ANKRD12: variants seen among roughly 807,000 people sequenced by gnomAD.
The protein encoded by ANKRD12 is ankyrin repeat domain-containing protein 12.
A neutral mutation model predicts 183.4 loss-of-function variants in ANKRD12; 85 were observed. The ratio of observed to expected loss-of-function variants is 0.46; its 90% CI spans 0.39 to 0.56. The LOEUF is 0.56. Ranked by LOEUF, ANKRD12 falls within the 20% of genes least tolerant of loss-of-function variation. The pLI is 0.00. For missense variants in ANKRD12, 2,405 were observed against 2,357.1 expected (o/e 1.02, Z -0.42); for synonymous variants, 914 against 800.2 (o/e 1.14, Z -2.40).
chr18:9,159,153 A>G (rs1350119116), intron 1 of ANKRD12, among the ~76,000 whole-genome samples: 1 of 152,150 alleles, frequency 6.6e-6, no homozygotes, highest in Non-Finnish European at 1.5e-5. Context: ...CAAGATCTGC[A>G]TTTTAGGTGT....
chr18:9,220,268 A>G (rs2036347586), intron 7 of ANKRD12, among the ~76,000 whole-genome samples: 1 of 152,218 alleles, frequency 6.6e-6, no homozygotes. Context: ...TATGTTTTCT[A>G]AGTACCAGAA....
In ANKRD12 at chr18:9,264,773, C is replaced by T. The variant is rs949342560; in HGVS notation, c.5763+885C>T. ...TCAATAGCTATTTCAACTATTAAGA[C>T]GTTTGAAACCACCTAGTATATATTC... is the stretch of plus-strand genomic sequence containing the variant. On this transcript the variant is annotated intron_variant, in intron 10 of 12. Transcript: ENST00000262126. 3.9e-5 allele frequency among the ~76,000 whole-genome samples: 6 copies of T among 152,250 alleles called. 1 individual carries two copies. The South Asian group carries it at 8.3e-4, about 21-fold the overall frequency.
In ANKRD12 at chr18:9,255,429, A is replaced by G. The variant is rs564231114; in HGVS notation, c.2162A>G (p.Glu721Gly). 25 of 1,571,348 alleles carry G rather than the reference A, an allele frequency of 1.6e-5. No individual in the cohort carries two copies. In the East Asian group the frequency reaches 2.7e-4, roughly 17 times the overall value. The change falls in exon 9 of 13, where the codon GAA (glutamate) becomes GGA (glycine). Residue 721 changes from glutamate to glycine, a missense_variant. This residue lies in a region of ANKRD12 where 1,983 missense variants were observed against 1,725.9 expected (regional missense o/e 1.15). Coordinates refer to ENST00000262126, the MANE Select transcript of ANKRD12 (RefSeq NM_015208.5). ...ATGGAACATGAATCCTTAACATTAG[A>G]AAAAAAATCAAAATTGGAAAAAAAC... ...LNMEHESLTL[E>G]KKSKLEKNIK... is the part of the protein sequence containing the mutation.
rs1399983271 is a variant in ANKRD12 at position 9,258,503 on chromosome 18, C to G, written c.5236C>G (p.Gln1746Glu). 1 of 1,613,558 alleles carries G rather than the reference C, an allele frequency of 6.2e-7. No individual in the cohort carries two copies. The highest frequency in any genetic ancestry group is 1.7e-5 in the Admixed American group (1 of 59,880). The change falls in exon 9 of 13, where the codon CAA (glutamine) becomes GAA (glutamate). Residue 1746 changes from glutamine to glutamate, a missense_variant. By Grantham distance (29) the Gln-to-Glu change is conservative. This residue lies in a region of ANKRD12 where 1,983 missense variants were observed against 1,725.9 expected (regional missense o/e 1.15). Coordinates refer to ENST00000262126, the MANE Select transcript of ANKRD12 (RefSeq NM_015208.5). ...AAACAAAGCAAATACAATGGCAAAT[C>G]AAAGCAAACAGATTCTTGCTAGCTG... ...TRNKANTMAN[Q>E]SKQILASCTL...
chr18:9,255,063 C>A lies in ANKRD12; in HGVS notation c.1796C>A (p.Ser599Tyr), dbSNP rs2038520722. Residue 599 changes from serine to tyrosine, a missense_variant, in exon 9 of 13, where the codon TCT (serine) becomes TAT (tyrosine). Physicochemically the swap from Ser to Tyr is moderately radical, Grantham distance 144 (BLOSUM62 -2). Around this residue, in one of 7 missense-constraint regions of ANKRD12, gnomAD observed 1,983 missense variants for 1,725.9 expected, o/e 1.15. Coordinates refer to ENST00000262126, the MANE Select transcript of ANKRD12 (RefSeq NM_015208.5). ...TTGCCAGAAAGTTCAAGTGTAAAAT[C>A]TTGTAAGCATAAGGAAAAAAGCAAA... ...EFLPESSSVKSCKHKEKSKHQ... is the reference protein window; with the variant it reads ...EFLPESSSVKYCKHKEKSKHQ... 1.9e-6 allele frequency: 3 copies of A among 1,584,290 alleles called. No homozygotes were observed. Among genetic ancestry groups the A allele is most frequent in the Admixed American group, 1.9e-5 (1 of 52,586 alleles).
intron 8 of ANKRD12, among the ~76,000 whole-genome samples, chr18:9,225,577 A>G (rs990068953): frequency 6.6e-6 from 1 of 152,114 alleles, no homozygotes; most frequent in Non-Finnish European, 1.5e-5. Context: ...ATGATTTTGT[A>G]AACACTGTTC....
At chr18:9,175,395 T>C (rs1330104031) in intron 1 of ANKRD12, among the ~76,000 whole-genome samples, 4 of 152,072 alleles carry the variant, frequency 2.6e-5, no homozygotes, top group Admixed American at 2.6e-4. Flanking sequence ...TGAGTTGTCT[T>C]TCTCTGTTAT....
At chr18:9,265,642 G>T (rs1264167157) in intron 10 of ANKRD12, among the ~76,000 whole-genome samples, 5 of 152,040 alleles carry the variant, frequency 3.3e-5, no homozygotes, top group Admixed American at 1.3e-4. Context: ...CATCATCAAA[G>T]ACCAAAGGTA....
intron 1 of ANKRD12, among the ~76,000 whole-genome samples, chr18:9,171,063 G>A (rs796731372): frequency 9.2e-5 from 14 of 152,288 alleles, no homozygotes; most frequent in African/African-American, 3.4e-4. Flanking sequence ...TGTTCCTCTG[G>A]AAGTTTGGTC....
At chr18:9,270,267 A>G (rs1010858676) in intron 10 of ANKRD12, among the ~76,000 whole-genome samples, 19 of 152,220 alleles carry the variant, frequency 1.2e-4, no homozygotes, top group African/African-American at 4.3e-4. Context: ...TACTGGGTAT[A>G]TACCGAAAGG....
chr18:9,210,691 G>A (rs956960508), intron 5 of ANKRD12, among the ~76,000 whole-genome samples: 3 of 117,010 alleles, frequency 2.6e-5, no homozygotes, highest in Non-Finnish European at 3.3e-5. Context: ...AAACTACCAC[G>A]CTCCAGCCTG....
chr18:9,215,952 G>A (rs1433161491), intron 6 of ANKRD12, among the ~76,000 whole-genome samples: 1 of 151,552 alleles, frequency 6.6e-6, no homozygotes, highest in Non-Finnish European at 1.5e-5. Flanking sequence ...GAAGAAGACA[G>A]AAGAAGCCAT....
intron 1 of ANKRD12, among the ~76,000 whole-genome samples, chr18:9,138,951 T>C (rs1334560317): frequency 6.6e-6 from 1 of 152,206 alleles, no homozygotes; most frequent in Non-Finnish European, 1.5e-5. Context: ...AGATGAGGTG[T>C]TAAAATGGAA....
rs556830248 is a variant in ANKRD12, at chr18:9,273,166, C to T, written c.5764-2358C>T. Among the ~76,000 whole-genome samples the T allele has an allele frequency of 3.3e-5, 5 of 152,246 alleles. No individual in the cohort carries two copies. The East Asian group carries it at 9.7e-4, about 29-fold the overall frequency. On this transcript the variant is annotated intron_variant, in intron 10 of 12. Transcript: ENST00000262126. Reference sequence around the variant, plus strand: ...CTTAGGCCAAAGAATATAGTTAGGACCAGATGGCACAAGTCCGTAGCAAAT... The same window carrying T: ...CTTAGGCCAAAGAATATAGTTAGGATCAGATGGCACAAGTCCGTAGCAAAT...
At chr18:9,272,833 T>C (rs2039670804) in intron 10 of ANKRD12, among the ~76,000 whole-genome samples, 1 of 152,226 alleles carries the variant, frequency 6.6e-6, no homozygotes, top group South Asian at 2.1e-4. Context: ...TTCTTTGTTT[T>C]TTTCATGAAT....
At position 9,284,332 on chromosome 18, in the gene ANKRD12, T is replaced by A. The variant is rs1391975915; in HGVS notation, c.*3206T>A. On this transcript the variant is annotated 3_prime_UTR_variant, in exon 13 of 13. Transcript: ENST00000262126. Reference sequence around the variant, plus strand: ...CCCATGAAGCTCATTTGAATGGGACTTAACAATTAGACAGTTATTTTAGAA... The same window carrying A: ...CCCATGAAGCTCATTTGAATGGGACATAACAATTAGACAGTTATTTTAGAA... 1 of 152,204 alleles carries A rather than the reference T, an allele frequency of 6.6e-6. No individual in the cohort carries two copies. The highest frequency in any genetic ancestry group is 1.5e-5 in the Non-Finnish European group (1 of 68,040). 9.4% of individuals were successfully genotyped at this position (152,204 alleles called of 1,614,324 possible). A position where few individuals can be genotyped will look rare whatever the true frequency, so the allele number is the denominator to read the frequency against.
At chr18:9,234,691 C>T (rs1430737574) in intron 8 of ANKRD12, among the ~76,000 whole-genome samples, 3 of 151,982 alleles carry the variant, frequency 2.0e-5, no homozygotes, top group Admixed American at 1.3e-4. Context: ...GCTGGGCTGT[C>T]GTGGTGGTGC....
chr18:9,157,581 G>GTA (rs1221750938), intron 1 of ANKRD12, among the ~76,000 whole-genome samples: 1 of 109,346 alleles, frequency 9.1e-6, no homozygotes, highest in Non-Finnish European at 1.8e-5. Context: ...GTGTGTGTGT[G>GTA]TGTGTATATA....
At chr18:9,231,775 A>C (rs1244103256) in intron 8 of ANKRD12, among the ~76,000 whole-genome samples, 2 of 147,982 alleles carry the variant, frequency 1.4e-5, no homozygotes, top group African/African-American at 5.0e-5. Context: ...CAGGGGGCTG[A>C]GATCATGCCA....
Sources: gnomAD v4.1 joint callset for allele counts (sites outside exome capture counted in the v4.1 genomes callset) on GRCh38, gnomAD v4.1.1 for gene constraint, gnomAD v4.1.1 regional missense constraint, MANE v1.5 for transcripts, NCBI Gene and HGNC (gene_info 2026-07-23, HGNC 2026-07-21) for gene names.